NDUFS4: variants seen among roughly 807,000 people sequenced by gnomAD.
NDUFS4 encodes the protein NADH dehydrogenase [ubiquinone] iron-sulfur protein 4, mitochondrial.
In NDUFS4, 28 loss-of-function variants were observed where a neutral mutation model predicts 24.3. That is an observed-to-expected ratio of 1.15 (90% CI 0.85 to 1.58). NDUFS4 has a LOEUF of 1.58. Ranked by LOEUF, NDUFS4 falls within the 40% of genes most tolerant of loss-of-function variation. The probability of loss-of-function intolerance (pLI) is 0.00; values close to 1 mark genes in which losing one functional copy is unlikely to be tolerated. For missense variants in NDUFS4, 223 were observed against 207.9 expected (o/e 1.07, Z -0.45); for synonymous variants, 93 against 69.7 (o/e 1.34, Z -1.67).
intron 2 of NDUFS4, among the ~76,000 whole-genome samples, chr5:53,627,915 T>A (rs764863836): frequency 1.3e-5 from 2 of 152,176 alleles, no homozygotes; most frequent in Non-Finnish European, 2.9e-5. Context: ...CTTCCAGTAC[T>A]ATGTTGAATA....
At chr5:53,596,805 C>T (rs1359565315) in intron 1 of NDUFS4, among the ~76,000 whole-genome samples, 1 of 152,142 alleles carries the variant, frequency 6.6e-6, no homozygotes. Flanking sequence ...TAGTTCTAAT[C>T]AAAAGGCTAA....
intron 1 of NDUFS4, among the ~76,000 whole-genome samples, chr5:53,597,526 C>T (rs1002901302): frequency 2.0e-5 from 3 of 152,108 alleles, no homozygotes; most frequent in East Asian, 1.9e-4. Flanking sequence ...AGTATTAGTA[C>T]GTTGGGTCAG....
intron 1 of NDUFS4, among the ~76,000 whole-genome samples, chr5:53,589,770 G>A (rs758300789): frequency 5.9e-5 from 9 of 152,152 alleles, no homozygotes; most frequent in Non-Finnish European, 1.0e-4. Context: ...TGCCAGTGTG[G>A]CTAGACTGTA....
chr5:53,614,011 A>G (rs1329729371), intron 2 of NDUFS4, among the ~76,000 whole-genome samples: 1 of 151,988 alleles, frequency 6.6e-6, no homozygotes, highest in East Asian at 1.9e-4. Flanking sequence ...GTCTCATGAC[A>G]TGTATCTATA....
At position 53,668,203 on chromosome 5, in the gene NDUFS4, G is replaced by T. The variant is rs143297994; in HGVS notation, c.424+9579G>T. 7.0e-3 allele frequency among the ~76,000 whole-genome samples: 1,067 copies of T among 152,146 alleles called. 22 individuals carry two copies. Among genetic ancestry groups the T allele is most frequent in the African/African-American group, 0.025 (1,022 of 41,512 alleles). ...TTAGCTTTTGACAGTTATTTGATTTGTATATCAATTATCAAATACAATTTG... is the reference window on the plus strand; with the variant it reads ...TTAGCTTTTGACAGTTATTTGATTTTTATATCAATTATCAAATACAATTTG... On this transcript the variant is annotated intron_variant, in intron 4 of 4. Coordinates refer to ENST00000296684, the MANE Select transcript of NDUFS4 (RefSeq NM_002495.4).
chr5:53,621,891 G>A (rs1156858618), intron 2 of NDUFS4, among the ~76,000 whole-genome samples: 3 of 151,362 alleles, frequency 2.0e-5, no homozygotes, highest in African/African-American at 4.9e-5. Flanking sequence ...TAGTAGAGAC[G>A]GGGTTTCACC....
chr5:53,600,759 T>C (rs1157442547), intron 1 of NDUFS4, among the ~76,000 whole-genome samples: 1 of 152,226 alleles, frequency 6.6e-6, no homozygotes, highest in Non-Finnish European at 1.5e-5. Flanking sequence ...TAGTTTCTTA[T>C]CACATGATAT....
chr5:53,679,950 G>A (rs182406219), intron 4 of NDUFS4, among the ~76,000 whole-genome samples: 8 of 152,042 alleles, frequency 5.3e-5, no homozygotes, highest in Admixed American at 4.6e-4. Flanking sequence ...GAGCACATGG[G>A]GAACATATAT....
chr5:53,635,831 T>A (rs1361395577), intron 2 of NDUFS4, among the ~76,000 whole-genome samples: 1 of 152,208 alleles, frequency 6.6e-6, no homozygotes, highest in African/African-American at 2.4e-5. Context: ...TAATAGATTT[T>A]TCTTATTTGG....
intron 1 of NDUFS4, among the ~76,000 whole-genome samples, chr5:53,583,723 A>G (rs1363243465): frequency 6.6e-6 from 1 of 152,200 alleles, no homozygotes; most frequent in Non-Finnish European, 1.5e-5. Flanking sequence ...ACATTTTATT[A>G]TTTCAATTAC....
intron 1 of NDUFS4, among the ~76,000 whole-genome samples, chr5:53,575,565 A>G (rs1749357763): frequency 1.9e-5 from 2 of 104,698 alleles, no homozygotes; most frequent in South Asian, 6.7e-4. Flanking sequence ...TTTTGCAGAC[A>G]GAGTCTTGCT....
At chr5:53,658,783 CCA>C in intron 4 of NDUFS4, 159 bp downstream of exon 4, 9 of 102,428 alleles carry the variant, frequency 8.8e-5, no homozygotes, top group South Asian at 8.6e-4. Flanking sequence ...ACACCCACCT[CCA>C]AAAAAAAAAA....
chr5:53,680,314 C>T (rs1261722832), intron 4 of NDUFS4, among the ~76,000 whole-genome samples: 1 of 152,014 alleles, frequency 6.6e-6, no homozygotes, highest in Non-Finnish European at 1.5e-5. Flanking sequence ...ACTAGAAATA[C>T]CATTTGACCC....
chr5:53,625,372 G>C (rs750879618), intron 2 of NDUFS4, among the ~76,000 whole-genome samples: 1 of 151,922 alleles, frequency 6.6e-6, no homozygotes, highest in Non-Finnish European at 1.5e-5. Flanking sequence ...CTTGGTTAGG[G>C]TTCATTAAGA....
chr5:53,682,903 G>A (rs1561407315), intron 4 of NDUFS4, among the ~76,000 whole-genome samples: 1 of 151,426 alleles, frequency 6.6e-6, no homozygotes, highest in Admixed American at 6.6e-5. Context: ...TTGAGATATG[G>A]TAAATAATCT....
intron 1 of NDUFS4, among the ~76,000 whole-genome samples, chr5:53,567,015 ATTTC>A (rs1749050516): frequency 6.6e-6 from 1 of 151,824 alleles, no homozygotes; most frequent in South Asian, 2.1e-4. Flanking sequence ...CGCCTGGATA[ATTTC>A]TTTGTATTTT....
intron 1 of NDUFS4, among the ~76,000 whole-genome samples, chr5:53,584,916 C>G (rs144275184): frequency 0.014 from 2,122 of 151,686 alleles, 63 homozygotes; most frequent in African/African-American, 0.049. Context: ...TACAGGTGTA[C>G]GCCACCACAC....
intron 2 of NDUFS4, among the ~76,000 whole-genome samples, chr5:53,623,954 T>C (rs1366278274): frequency 6.6e-6 from 1 of 152,172 alleles, no homozygotes; most frequent in East Asian, 1.9e-4. Context: ...CCTGACCTCA[T>C]GATCTGCCTG....
intron 4 of NDUFS4, among the ~76,000 whole-genome samples, chr5:53,662,425 T>C (rs1752371221): frequency 6.6e-6 from 1 of 152,228 alleles, no homozygotes; most frequent in Non-Finnish European, 1.5e-5. Flanking sequence ...TTTGCATCGA[T>C]GTTCATCAGG....
Sources: gnomAD v4.1 joint callset for allele counts (sites outside exome capture counted in the v4.1 genomes callset) on GRCh38, gnomAD v4.1.1 for gene constraint, MANE v1.5 for transcripts, NCBI Gene and HGNC (gene_info 2026-07-23, HGNC 2026-07-21) for gene names.